MOSPD1: variants seen among roughly 807,000 people sequenced by gnomAD.
MOSPD1 encodes motile sperm domain-containing protein 1.
MOSPD1 carries 5 observed loss-of-function variants against 16.7 expected under a neutral mutation model. The observed-to-expected ratio is 0.30, with a 90% CI of 0.16 to 0.63. The LOEUF (loss-of-function observed/expected upper bound fraction) is 0.63, where lower values mean the gene tolerates loss of function less well. Ranked by LOEUF, MOSPD1 falls within the 30% of genes least tolerant of loss-of-function variation. The probability of loss-of-function intolerance (pLI) is 0.82; values close to 1 mark genes in which losing one functional copy is unlikely to be tolerated. For synonymous variants in MOSPD1, 67 were observed against 59.2 expected (o/e 1.13, Z -0.61); for missense variants, 104 against 153.6 (o/e 0.68, Z 1.71).
intron 1 of MOSPD1, among the ~76,000 whole-genome samples, chrX:134,906,098 T>A (rs1379080942): frequency 1.8e-5 from 2 of 110,845 alleles, no homozygotes; most frequent in Non-Finnish European, 3.8e-5. Flanking sequence ...ATCTCCTTGT[T>A]ACTATAAAAG....
At chrX:134,906,506 G>A (rs766596249) in intron 1 of MOSPD1, among the ~76,000 whole-genome samples, 2 of 110,071 alleles carry the variant, frequency 1.8e-5, no homozygotes, top group Admixed American at 9.8e-5. Context: ...GATATAAGTT[G>A]CATCCTAAAC....
chrX:134,897,545 TTA>T (rs1491123857), intron 3 of MOSPD1, among the ~76,000 whole-genome samples: 82 of 72,145 alleles, frequency 1.1e-3, no homozygotes, highest in African/African-American at 5.5e-3. Flanking sequence ...CTCTGTCTTA[TTA>T]AAAAAAAAAA....
At chrX:134,909,009 T>C (rs2082957092) in intron 1 of MOSPD1, among the ~76,000 whole-genome samples, 1 of 111,145 alleles carries the variant, frequency 9.0e-6, no homozygotes, top group Non-Finnish European at 1.9e-5. Context: ...GGCTCACGCC[T>C]GTAATCCCAG....
At chrX:134,911,789 A>G (rs2082973007) in intron 1 of MOSPD1, among the ~76,000 whole-genome samples, 1 of 112,345 alleles carries the variant, frequency 8.9e-6, no homozygotes, top group Admixed American at 9.5e-5. Flanking sequence ...AAAGTAAGAC[A>G]CTGCTAGAGC....
intron 5 of MOSPD1, among the ~76,000 whole-genome samples, chrX:134,890,091 A>G (rs1373137147): frequency 9.2e-6 from 1 of 108,341 alleles, no homozygotes; most frequent in African/African-American, 3.4e-5. Context: ...AAAAAAAAAA[A>G]AAGATGGACA....
chrX:134,908,771 C>T (rs1033344502), intron 1 of MOSPD1, among the ~76,000 whole-genome samples: 1 of 112,251 alleles, frequency 8.9e-6, no homozygotes, highest in Admixed American at 9.5e-5. Context: ...TACCATCAAT[C>T]CAAGGAGACC....
chrX:134,888,294 G>C lies in MOSPD1; in HGVS notation c.*867C>G, dbSNP rs1216623063. On this transcript the variant is annotated 3_prime_UTR_variant, in exon 6 of 6. Transcript: ENST00000370783. Reference sequence around the variant, plus strand: ...CTTACACTTGGCTTAGAGTTTAAAGGTGAAAAATCATCTCCACATAAATCA... The same window carrying C: ...CTTACACTTGGCTTAGAGTTTAAAGCTGAAAAATCATCTCCACATAAATCA... 2.7e-5 allele frequency: 3 copies of C among 112,142 alleles called. No individual in the cohort carries two copies. Among genetic ancestry groups the C allele is most frequent in the African/African-American group, 9.7e-5 (3 of 30,816 alleles). 9.2% of individuals were successfully genotyped at this position (112,142 alleles called of 1,213,427 possible). A position where few individuals can be genotyped will look rare whatever the true frequency, so the allele number is the denominator to read the frequency against.
chrX:134,900,283 T>A lies in MOSPD1; in HGVS notation c.-101-749A>T, dbSNP rs539697333. On this transcript the variant is annotated intron_variant, in intron 1 of 5. Coordinates refer to ENST00000370783, the MANE Select transcript of MOSPD1 (RefSeq NM_019556.3). ...GACTAAAAAATAAACACAAAGTAAG[T>A]TTCCATGATTTCTGGAGAAAACCAT... Among the ~76,000 whole-genome samples the A allele has an allele frequency of 4.5e-5, 5 of 112,212 alleles. No individual in the cohort carries two copies. In the South Asian group the frequency reaches 1.8e-3, roughly 41 times the overall value.
intron 1 of MOSPD1, among the ~76,000 whole-genome samples, chrX:134,905,370 G>GA (rs1207222310): frequency 0.29 from 14,100 of 48,215 alleles, 1,265 homozygotes; most frequent in African/African-American, 0.39. Flanking sequence ...GTCTCAAAAA[G>GA]AAAAAAAAAA....
chrX:134,903,540 C>T (rs762839166), intron 1 of MOSPD1, among the ~76,000 whole-genome samples: 2 of 106,666 alleles, frequency 1.9e-5, no homozygotes, highest in East Asian at 3.0e-4. Context: ...GGTGAAACGC[C>T]GTCTCTATTA....
intron 1 of MOSPD1, among the ~76,000 whole-genome samples, chrX:134,905,214 A>G (rs1332100410): frequency 9.2e-6 from 1 of 108,120 alleles, no homozygotes; most frequent in East Asian, 3.0e-4. Flanking sequence ...AAAAAAAAAA[A>G]TACACCACGC....
At chrX:134,901,575 G>A (rs1046774951) in intron 1 of MOSPD1, among the ~76,000 whole-genome samples, 1 of 108,609 alleles carries the variant, frequency 9.2e-6, no homozygotes. Context: ...ACTTGAACCC[G>A]GGAGCAGAGG....
intron 1 of MOSPD1, among the ~76,000 whole-genome samples, chrX:134,903,218 G>GA (rs779084515): frequency 2.7e-5 from 3 of 109,194 alleles, no homozygotes; most frequent in Admixed American, 9.8e-5. Context: ...TATCTATCTA[G>GA]AAAAAAAATA....
chrX:134,902,720 G>T (rs909557234), intron 1 of MOSPD1, among the ~76,000 whole-genome samples: 1 of 109,137 alleles, frequency 9.2e-6, no homozygotes, highest in Non-Finnish European at 1.9e-5. Context: ...CTGAGTCCAG[G>T]GACATTGAGG....
intron 1 of MOSPD1, among the ~76,000 whole-genome samples, chrX:134,909,038 C>T (rs193127207): frequency 1.3e-4 from 14 of 110,194 alleles, no homozygotes; most frequent in Admixed American, 8.7e-4. Flanking sequence ...AAGGCCGAGG[C>T]GGGCGGATCA....
At chrX:134,911,061 G>T (rs894455721) in intron 1 of MOSPD1, among the ~76,000 whole-genome samples, 2 of 112,071 alleles carry the variant, frequency 1.8e-5, no homozygotes, top group Admixed American at 9.5e-5. Context: ...ATAAGGTCTC[G>T]CTATGTTGCC....
intron 5 of MOSPD1, 29 bp downstream of exon 5, chrX:134,891,450 T>C (rs2082862635): frequency 1.0e-5 from 12 of 1,198,403 alleles, no homozygotes; most frequent in Non-Finnish European, 1.0e-5. Context: ...CCTACACATA[T>C]GTCCCAAATG....
intron 1 of MOSPD1, among the ~76,000 whole-genome samples, chrX:134,902,239 C>T (rs2082914871): frequency 9.1e-6 from 1 of 109,721 alleles, no homozygotes; most frequent in South Asian, 4.0e-4. Flanking sequence ...GAAACCCCAT[C>T]TCTACTAAAA....
At chrX:134,895,950 T>C (rs1430713548) in intron 4 of MOSPD1, among the ~76,000 whole-genome samples, 4 of 111,317 alleles carry the variant, frequency 3.6e-5, no homozygotes, top group Non-Finnish European at 7.5e-5. Flanking sequence ...CTCCCTGTTA[T>C]TGAAATGAAC....
Sources: gnomAD v4.1 joint callset for allele counts (sites outside exome capture counted in the v4.1 genomes callset) on GRCh38, gnomAD v4.1.1 for gene constraint, MANE v1.5 for transcripts, NCBI Gene and HGNC (gene_info 2026-07-23, HGNC 2026-07-21) for gene names.